PREX2: variants seen among roughly 807,000 people sequenced by gnomAD.
The protein encoded by PREX2 is phosphatidylinositol 3,4,5-trisphosphate-dependent Rac exchanger 2 protein.
A neutral mutation model predicts 203.2 loss-of-function variants in PREX2; 107 were observed. The ratio of observed to expected loss-of-function variants is 0.53; its 90% CI spans 0.45 to 0.62. The LOEUF is 0.62. Ranked by LOEUF, PREX2 falls within the 20% of genes least tolerant of loss-of-function variation. PREX2 has a pLI of 0.00. For synonymous variants in PREX2, 672 were observed against 663.6 expected, an observed-to-expected ratio of 1.01 and a Z score of -0.19; for missense variants, 1,777 against 1,955.9, an observed-to-expected ratio of 0.91 and a Z score of 1.72.
intron 1 of PREX2, among the ~76,000 whole-genome samples, chr8:67,994,488 A>G (rs905866924): frequency 2.6e-5 from 4 of 152,204 alleles, no homozygotes; most frequent in Non-Finnish European, 4.4e-5. Context: ...GTTTTGTTAA[A>G]TCTTAAATAG....
chr8:68,073,309 G>T lies in PREX2; in HGVS notation c.1569+739G>T, dbSNP rs1020601088. On this transcript the variant is annotated intron_variant, in intron 14 of 39. Coordinates refer to ENST00000288368, the MANE Select transcript of PREX2 (RefSeq NM_024870.4). The stretch of plus-strand genomic sequence containing the variant: ...CACTGTAACTGAACTTACTATTTTG[G>T]GGGAGGGGATATTGCTTGGTTGAAA... 5.3e-5 allele frequency among the ~76,000 whole-genome samples: 8 copies of T among 151,398 alleles called. No homozygotes were observed. The East Asian group carries it at 1.5e-3, about 29-fold the overall frequency.
Position 68,179,935 on chromosome 8 carries a change from A to C in PREX2, c.4347-11787A>C, listed in dbSNP as rs535835530. On this transcript the variant is annotated intron_variant, in intron 35 of 39. Transcript: ENST00000288368. ...AAAAAAATCTCTTAAGTCTCATATC[A>C]TTTACCTCCTCACTGCTGGCAGAAT... Among the ~76,000 whole-genome samples, 111 of 152,210 alleles carry C rather than the reference A, an allele frequency of 7.3e-4. 1 individual carries two copies. The highest frequency in any genetic ancestry group is 1.1e-3 in the Non-Finnish European group (75 of 67,992).
intron 1 of PREX2, among the ~76,000 whole-genome samples, chr8:68,007,954 T>A (rs1369445150): frequency 6.6e-6 from 1 of 152,212 alleles, no homozygotes; most frequent in South Asian, 2.1e-4. Flanking sequence ...TTATAGCAAG[T>A]CTATAGGAGT....
At chr8:68,182,084 A>C (rs1021997079) in intron 35 of PREX2, among the ~76,000 whole-genome samples, 2 of 152,072 alleles carry the variant, frequency 1.3e-5, no homozygotes, top group African/African-American at 4.8e-5. Context: ...AATAATAAGC[A>C]ATGTTGAGTG....
rs544019339 is a variant in PREX2 at position 68,235,209 on chromosome 8, G to C, written c.*3831G>C. 1 of 152,178 alleles carries C rather than the reference G, an allele frequency of 6.6e-6. No homozygotes were observed. The highest frequency in any genetic ancestry group is 2.4e-5 in the African/African-American group (1 of 41,534). 9.4% of individuals were successfully genotyped at this position (152,178 alleles called of 1,614,324 possible). On this transcript the variant is annotated 3_prime_UTR_variant, in exon 40 of 40. Transcript: ENST00000288368. The stretch of plus-strand genomic sequence containing the variant: ...AGTTATTCACTTATACTTCTGAAAA[G>C]CCATAATATTGAAATTTAAAATGAA...
chr8:68,114,097 C>T lies in PREX2; in HGVS notation c.3147-1656C>T, dbSNP rs76819362. ...GGCTGGTCTCGAACTCCTGACCTCA[C>T]GTGATCCACCCACCTCGGCCTCCCA... On this transcript the variant is annotated intron_variant, in intron 25 of 39. Transcript: ENST00000288368. Among the ~76,000 whole-genome samples, 36 of 152,104 alleles carry T rather than the reference C, an allele frequency of 2.4e-4. No individual in the cohort carries two copies. The South Asian group carries it at 6.6e-3, about 28-fold the overall frequency.
At position 68,069,891 on chromosome 8, in the gene PREX2, C is replaced by A; in HGVS notation, c.1493+7C>A. The A allele has an allele frequency of 6.6e-7, 1 of 1,506,786 alleles. No homozygotes were observed. Among genetic ancestry groups the A allele is most frequent in the South Asian group, 1.2e-5 (1 of 82,434 alleles). 93.3% of individuals were successfully genotyped at this position (1,506,786 alleles called of 1,614,324 possible). A position where few individuals can be genotyped will look rare whatever the true frequency, so the allele number is the denominator to read the frequency against. ...TTTTTACTCCAGTGATAAGGTGAGT[C>A]TGGTTTTTAAGTTCTGGGAAACTTA... On this transcript the variant is annotated splice_region_variant and intron_variant, in intron 13 of 39. Coordinates refer to ENST00000288368, the MANE Select transcript of PREX2 (RefSeq NM_024870.4).
intron 37 of PREX2, among the ~76,000 whole-genome samples, chr8:68,196,229 G>T (rs956396354): frequency 2.6e-5 from 4 of 151,312 alleles, no homozygotes; most frequent in Admixed American, 6.6e-5. Context: ...CTTTTGAGTT[G>T]ATCAGATTTT....
At chr8:68,137,616 A>G (rs999183661) in intron 32 of PREX2, among the ~76,000 whole-genome samples, 1 of 152,160 alleles carries the variant, frequency 6.6e-6, no homozygotes, top group Non-Finnish European at 1.5e-5. Flanking sequence ...AAGATAAGCT[A>G]TGTATGACAA....
chr8:68,132,771 T>C lies in PREX2; in HGVS notation c.3767-1288T>C, dbSNP rs1034554593. Among the ~76,000 whole-genome samples the C allele has an allele frequency of 2.0e-5, 3 of 152,166 alleles. No individual in the cohort carries two copies. The South Asian group carries it at 6.2e-4, about 31-fold the overall frequency. ...ACCCTTGAAATATTTAGTACACATT[T>C]GAGAGGAGGTTATTTTTCCCTTTGT... On this transcript the variant is annotated intron_variant, in intron 31 of 39. Coordinates refer to ENST00000288368, the MANE Select transcript of PREX2 (RefSeq NM_024870.4).
At chr8:68,086,351 G>A (rs146549375) in intron 18 of PREX2, among the ~76,000 whole-genome samples, 146 of 152,190 alleles carry the variant, frequency 9.6e-4, no homozygotes, top group African/African-American at 3.2e-3. Context: ...AAGTGTTTGA[G>A]CCCTTAGTTT....
chr8:68,043,262 G>T (rs1808250945), intron 7 of PREX2, among the ~76,000 whole-genome samples: 1 of 152,084 alleles, frequency 6.6e-6, no homozygotes, highest in Non-Finnish European at 1.5e-5. Context: ...GGAGTGCAAG[G>T]TGATGAAGGT....
chr8:68,111,796 T>C (rs1810540875), intron 25 of PREX2, among the ~76,000 whole-genome samples: 1 of 152,212 alleles, frequency 6.6e-6, no homozygotes. Context: ...TATTCAGAGA[T>C]GCTGCCATGC....
At chr8:68,210,182 C>T (rs182913747) in intron 37 of PREX2, among the ~76,000 whole-genome samples, 45 of 152,238 alleles carry the variant, frequency 3.0e-4, no homozygotes, top group African/African-American at 1.0e-3. Context: ...ATCCCACCCT[C>T]GATTTTAAAA....
chr8:68,185,515 C>A (rs577190128), intron 35 of PREX2, among the ~76,000 whole-genome samples: 2 of 152,190 alleles, frequency 1.3e-5, no homozygotes, highest in East Asian at 3.9e-4. Context: ...TTCTGTAGAC[C>A]CAATGACTCT....
intron 35 of PREX2, among the ~76,000 whole-genome samples, chr8:68,179,102 C>T (rs1260103997): frequency 6.6e-6 from 1 of 151,928 alleles, no homozygotes. Flanking sequence ...ATGGTGCAAC[C>T]GCATGTGACT....
At position 68,053,215 on chromosome 8, in the gene PREX2, A is replaced by G. The variant is rs1360552758; in HGVS notation, c.1062A>G (p.Glu354=). The G allele has an allele frequency of 1.9e-6, 3 of 1,613,744 alleles. No individual in the cohort carries two copies. The South Asian group carries it at 3.3e-5, about 18-fold the overall frequency. ...KTPEEKHEWF[E]AILKERERRK... is the part of the protein sequence containing the mutation. ...CTGAAGAGAAGCATGAATGGTTTGA[A>G]GCTATTTTGAAAGAAAGAGAACGGC... The change falls in exon 9 of 40, where the codon GAA becomes GAG. Residue 354 remains glutamate (E), a synonymous_variant. Transcript: ENST00000288368.
At chr8:67,968,252 T>C (rs1303170906) in intron 1 of PREX2, among the ~76,000 whole-genome samples, 2 of 152,064 alleles carry the variant, frequency 1.3e-5, no homozygotes, top group Non-Finnish European at 2.9e-5. Context: ...AAAGGTCACT[T>C]GAGGACTGTG....
chr8:67,953,172 T>A (rs868100649), intron 1 of PREX2, among the ~76,000 whole-genome samples: 1 of 61,066 alleles, frequency 1.6e-5, no homozygotes, highest in African/African-American at 5.5e-5. Context: ...TACAATTCCC[T>A]CCCCCCCGCC....
Sources: allele counts gnomAD v4.1 joint callset (sites outside exome capture counted in the v4.1 genomes callset), GRCh38; gene constraint gnomAD v4.1.1; transcripts MANE v1.5; gene names NCBI Gene and HGNC (gene_info 2026-07-23, HGNC 2026-07-21).